The following SLCO1C1 variants were observed in gnomAD, a reference collection of about 807,000 sequenced individuals.
SLCO1C1 encodes the protein OAT-RP-5.
In SLCO1C1, 70 loss-of-function variants were observed where a neutral mutation model predicts 76.4. The observed-to-expected ratio is 0.92, with a 90% CI of 0.76 to 1.12. The LOEUF (loss-of-function observed/expected upper bound fraction) is 1.12, where lower values mean the gene tolerates loss of function less well. Among genes scored for constraint, SLCO1C1 ranks in the 50% most tolerant of loss-of-function variants. The pLI is 0.00. For missense variants in SLCO1C1, 912 were observed against 823.8 expected (o/e 1.11, Z -1.31); for synonymous variants, 306 against 286.1 (o/e 1.07, Z -0.70).
chr12:20,748,399 T>G (rs1949145228), intron 13 of SLCO1C1, among the ~76,000 whole-genome samples: 2 of 152,160 alleles, frequency 1.3e-5, no homozygotes, highest in African/African-American at 2.4e-5. Context: ...AAATAAGTAG[T>G]GAACATGCTG....
At chr12:20,730,865 C>CAAA (rs942723813) in intron 9 of SLCO1C1, among the ~76,000 whole-genome samples, 1 of 152,158 alleles carries the variant, frequency 6.6e-6, no homozygotes, top group African/African-American at 2.4e-5. Context: ...GACACATACT[C>CAAA]AAACACCGAT....
chr12:20,728,845 G>A (rs1320736148), intron 9 of SLCO1C1, among the ~76,000 whole-genome samples: 1 of 151,850 alleles, frequency 6.6e-6, no homozygotes, highest in African/African-American at 2.4e-5. Context: ...AACCTGATGA[G>A]TGTGCTAAAA....
chr12:20,730,936 C>A (rs1948235328), intron 9 of SLCO1C1, among the ~76,000 whole-genome samples: 2 of 152,074 alleles, frequency 1.3e-5, no homozygotes, highest in Admixed American at 6.6e-5. Flanking sequence ...AGTTTGCTGC[C>A]CCTCCAGACT....
intron 3 of SLCO1C1, among the ~76,000 whole-genome samples, chr12:20,705,202 T>A (rs1244989533): frequency 1.3e-5 from 2 of 152,004 alleles, no homozygotes; most frequent in Non-Finnish European, 2.9e-5. Flanking sequence ...ATTAGAGACA[T>A]TTTAGAAAAC....
intron 3 of SLCO1C1, among the ~76,000 whole-genome samples, chr12:20,701,868 C>T (rs1254092042): frequency 6.6e-6 from 1 of 151,886 alleles, no homozygotes; most frequent in East Asian, 1.9e-4. Flanking sequence ...CAAGAATTTA[C>T]TGCAATGATG....
At chr12:20,701,570 A>AAAT in intron 3 of SLCO1C1, 111 bp downstream of exon 3, 2 of 735,754 alleles carry the variant, frequency 2.7e-6, no homozygotes, top group Non-Finnish European at 3.6e-6. Flanking sequence ...TATTCATAAA[A>AAAT]TCTTTTTTTT....
intron 6 of SLCO1C1, among the ~76,000 whole-genome samples, chr12:20,716,349 T>C (rs528476814): frequency 6.6e-6 from 1 of 152,344 alleles, no homozygotes; most frequent in South Asian, 2.1e-4. Flanking sequence ...AGGTGTGCCC[T>C]TCTTCTCTAG....
rs1197067387 is a variant in SLCO1C1 at position 20,705,866 on chromosome 12, T to C, written c.272-83T>C. ...TTAGTTAAAAGAAAACATTGCTTGG[T>C]CTGCTGTATACATTCATTCAGTTAT... On this transcript the variant is annotated intron_variant, in intron 3 of 14. Transcript: ENST00000266509. The C allele has an allele frequency of 5.2e-6, 7 of 1,348,692 alleles. No homozygotes were observed. In the Admixed American group the frequency reaches 1.3e-4, roughly 24 times the overall value. The allele number at this position is 1,348,692 out of a possible 1,614,324, so 83.5% of individuals were successfully genotyped here.
chr12:20,705,403 C>G (rs1029061976), intron 3 of SLCO1C1, among the ~76,000 whole-genome samples: 11 of 151,970 alleles, frequency 7.2e-5, no homozygotes, highest in Non-Finnish European at 1.3e-4. Flanking sequence ...GAGTCTTAAT[C>G]TTTTTGTACA....
At chr12:20,714,961 TA>T (rs1947293632) in intron 5 of SLCO1C1, among the ~76,000 whole-genome samples, 177 bp from the exon 6 acceptor site, 1 of 152,210 alleles carries the variant, frequency 6.6e-6, no homozygotes, top group Admixed American at 6.5e-5. Flanking sequence ...TTACTCTGCC[TA>T]AAAGGTTGAA....
intron 11 of SLCO1C1, among the ~76,000 whole-genome samples, chr12:20,738,625 TTTC>T (rs1438872606): frequency 6.6e-6 from 1 of 152,214 alleles, no homozygotes; most frequent in Non-Finnish European, 1.5e-5. Flanking sequence ...TTTTCTTTGC[TTTC>T]TTCCTTTGTT....
intron 1 of SLCO1C1, chr12:20,697,024 G>A (rs1946299342): frequency 6.6e-6 from 1 of 151,888 alleles, no homozygotes; most frequent in Non-Finnish European, 1.5e-5. Context: ...TGATTTTTGT[G>A]TCAACACCTC....
chr12:20,750,729 A>G lies in SLCO1C1; in HGVS notation c.1853A>G (p.Lys618Arg). ...GTTTTGATTGATACTTCATGCCTCAAATGGGGATTTAAAAGATGTGGAAGT... is the reference window on the plus strand; with the variant it reads ...GTTTTGATTGATACTTCATGCCTCAGATGGGGATTTAAAAGATGTGGAAGT... ...FGVLIDTSCL[K>R]WGFKRCGSRG... The change falls in exon 14 of 15, where the codon AAA becomes AGA. Residue 618 changes from lysine to arginine, a missense_variant. Coordinates refer to ENST00000266509, the MANE Select transcript of SLCO1C1 (RefSeq NM_017435.5). 1 of 1,614,024 alleles carries G rather than the reference A, an allele frequency of 6.2e-7. No individual in the cohort carries two copies. Among genetic ancestry groups the G allele is most frequent in the Non-Finnish European group, 8.5e-7 (1 of 1,179,930 alleles).
chr12:20,733,175 A>G, intron 10 of SLCO1C1, 71 bp downstream of exon 10: 1 of 1,391,646 alleles, frequency 7.2e-7, no homozygotes, highest in East Asian at 2.4e-5. Flanking sequence ...TGGAGTTGCA[A>G]AAAAGGAATT....
chr12:20,712,223 T>C (rs1947143282), intron 5 of SLCO1C1, among the ~76,000 whole-genome samples: 1 of 152,194 alleles, frequency 6.6e-6, no homozygotes, highest in Admixed American at 6.5e-5. Context: ...TATCAAAGTG[T>C]CTAGTGTTCT....
At chr12:20,699,807 A>G (rs1172470103) in intron 2 of SLCO1C1, 102 bp downstream of exon 2, 2 of 1,307,054 alleles carry the variant, frequency 1.5e-6, no homozygotes, top group African/African-American at 3.1e-5. Flanking sequence ...TCCTTTAAAA[A>G]AAAAAAAAGA....
Position 20,701,463 on chromosome 12 carries a change from G to T in SLCO1C1, c.271+4G>T. The T allele has an allele frequency of 6.8e-7, 1 of 1,475,026 alleles. No homozygotes were observed. The allele number at this position is 1,475,026 out of a possible 1,614,324, so 91.4% of individuals were successfully genotyped here. Reference sequence around the variant, plus strand: ...ATTGATGGTAGTTTTGAAATTGGTAGGTATTACAGATGCCTGACTTTAATT... The same window carrying T: ...ATTGATGGTAGTTTTGAAATTGGTATGTATTACAGATGCCTGACTTTAATT... On this transcript the variant is annotated splice_donor_region_variant and intron_variant, in intron 3 of 14. Transcript: ENST00000266509.
At chr12:20,748,337 A>G (rs934132283) in intron 13 of SLCO1C1, among the ~76,000 whole-genome samples, 23 of 152,200 alleles carry the variant, frequency 1.5e-4, no homozygotes, top group African/African-American at 5.5e-4. Context: ...AAAACCAGAA[A>G]TCTCTCTCCT....
At chr12:20,745,305 G>C (rs1948990729) in intron 13 of SLCO1C1, among the ~76,000 whole-genome samples, 1 of 151,902 alleles carries the variant, frequency 6.6e-6, no homozygotes. Context: ...TTTAACATAA[G>C]CATACATTGG....
Sources: allele counts gnomAD v4.1 joint callset (sites outside exome capture counted in the v4.1 genomes callset), GRCh38; gene constraint gnomAD v4.1.1; transcripts MANE v1.5; gene names NCBI Gene and HGNC (gene_info 2026-07-23, HGNC 2026-07-21).